BDH2: variants seen among roughly 807,000 people sequenced by gnomAD.
BDH2 encodes the protein dehydrogenase/reductase SDR family member 6.
BDH2 carries 24 observed loss-of-function variants against 33.2 expected under a neutral mutation model. That is an observed-to-expected ratio of 0.72 (90% CI 0.52 to 1.02). BDH2 has a LOEUF of 1.02. BDH2 is among the 50% of genes least tolerant of loss of function. The pLI is 0.00. For missense variants in BDH2, 249 were observed against 301.6 expected (o/e 0.83, Z 1.29); for synonymous variants, 81 against 101.6 (o/e 0.80, Z 1.22).
chr4:103,080,643 G>A (rs1747465164), intron 9 of BDH2, among the ~76,000 whole-genome samples: 1 of 152,174 alleles, frequency 6.6e-6, no homozygotes, highest in Admixed American at 6.5e-5. Flanking sequence ...ACTCCCCCAA[G>A]TTCTTTTAAA....
chr4:103,095,365 C>T, intron 2 of BDH2, 84 bp from the exon 3 acceptor site: 2 of 1,014,640 alleles, frequency 2.0e-6, no homozygotes, highest in Non-Finnish European at 1.5e-6. Flanking sequence ...GTCTTTTTCT[C>T]CTTTATCTTA....
At chr4:103,084,410 A>C (rs2110697879) in intron 7 of BDH2, among the ~76,000 whole-genome samples, 1 of 152,312 alleles carries the variant, frequency 6.6e-6, no homozygotes, top group South Asian at 2.1e-4. Flanking sequence ...TCTCAGACAT[A>C]CTCAGTCCTC....
chr4:103,085,392 T>A lies in BDH2; in HGVS notation c.489A>T (p.Ala163=). 6.2e-7 allele frequency: 1 copy of A among 1,612,302 alleles called. No homozygotes were observed. The highest frequency in any genetic ancestry group is 1.1e-5 in the South Asian group (1 of 90,808). The change falls in exon 7 of 10, where the codon GCA becomes GCT. Residue 163 remains alanine (A), a synonymous_variant. Transcript: ENST00000296424. The part of the protein sequence containing the change: ...AVIGLTKSVA[A]DFIQQGIRCN... ...ACCTGATGCCCTGCTGGATGAAATCTGCAGCCACAGATTTTGTGAGGCCAA... is the reference window on the plus strand; with the variant it reads ...ACCTGATGCCCTGCTGGATGAAATCAGCAGCCACAGATTTTGTGAGGCCAA...
At chr4:103,082,850 C>G (rs775208549) in intron 8 of BDH2, 21 bp downstream of exon 8, 1 of 1,585,886 alleles carries the variant, frequency 6.3e-7, no homozygotes, top group Non-Finnish European at 8.7e-7. Flanking sequence ...GGTTTAAATA[C>G]ATTTTAAATG....
At chr4:103,090,097 G>A (rs887636190) in intron 5 of BDH2, among the ~76,000 whole-genome samples, 4 of 152,128 alleles carry the variant, frequency 2.6e-5, no homozygotes, top group African/African-American at 9.7e-5. Context: ...AATCCAGCTG[G>A]GATGGAAGGG....
intron 5 of BDH2, among the ~76,000 whole-genome samples, chr4:103,090,661 C>T (rs976211015): frequency 1.3e-5 from 2 of 152,206 alleles, no homozygotes; most frequent in Non-Finnish European, 2.9e-5. Context: ...CTCATACGAT[C>T]ATTCCAGTCT....
At chr4:103,093,552 A>G (rs1748211124) in intron 3 of BDH2, among the ~76,000 whole-genome samples, 1 of 148,762 alleles carries the variant, frequency 6.7e-6, no homozygotes, top group Admixed American at 6.8e-5. Context: ...TATAATGTGC[A>G]TAATATATAT....
At chr4:103,083,703 A>G (rs1485753131) in intron 7 of BDH2, among the ~76,000 whole-genome samples, 1 of 152,178 alleles carries the variant, frequency 6.6e-6, no homozygotes, top group Admixed American at 6.5e-5. Flanking sequence ...TCTGGCAAAT[A>G]ATGTGATCTT....
chr4:103,086,160 T>C, intron 6 of BDH2: 3 of 1,130,778 alleles, frequency 2.7e-6, no homozygotes, highest in Non-Finnish European at 2.2e-6. Context: ...CCAGAGCACA[T>C]ACCGGTGCTC....
At chr4:103,085,739 A>G in intron 6 of BDH2, 1 of 1,383,536 alleles carries the variant, frequency 7.2e-7, no homozygotes, top group Non-Finnish European at 9.5e-7. Context: ...CAGTTGCCAT[A>G]ACTCTTAGGC....
intron 1 of BDH2, 127 bp downstream of exon 1, chr4:103,099,656 T>C (rs1578514416): frequency 6.6e-6 from 1 of 152,172 alleles, no homozygotes; most frequent in East Asian, 1.9e-4. Flanking sequence ...AAACCCATCT[T>C]TACACTGATC....
chr4:103,096,697 C>T (rs1030420269), intron 1 of BDH2, among the ~76,000 whole-genome samples: 12 of 152,048 alleles, frequency 7.9e-5, no homozygotes, highest in Admixed American at 2.0e-4. Context: ...CCTGCCACCA[C>T]GCCCAGCCAA....
Position 103,092,650 on chromosome 4 carries a change from A to T in BDH2, c.198T>A (p.Asp66Glu), listed in dbSNP as rs766109810. Residue 66 changes from aspartate (D) to glutamate (E), a missense_variant, in exon 4 of 10, where the codon GAT becomes GAA. Physicochemically the swap from Asp to Glu is conservative, Grantham distance 45. Coordinates refer to ENST00000296424, the MANE Select transcript of BDH2 (RefSeq NM_020139.4). ...GTCTCTCAACTTCATTGGCAAACTG[A>T]TCAATTTGTTTCTTCTTTGTGACAT... ...VLDVTKKKQI[D>E]QFANEVERLD... is the part of the protein sequence containing the mutation. 1.9e-6 allele frequency: 3 copies of T among 1,613,272 alleles called. No homozygotes were observed. The highest frequency in any genetic ancestry group is 2.5e-6 in the Non-Finnish European group (3 of 1,179,418).
intron 5 of BDH2, among the ~76,000 whole-genome samples, chr4:103,087,259 C>T (rs1747838198): frequency 1.3e-5 from 2 of 152,142 alleles, no homozygotes; most frequent in South Asian, 4.1e-4. Context: ...AATGAGGCTG[C>T]AGAGGTCAAC....
At chr4:103,095,399 A>G (rs1748353659) in intron 2 of BDH2, 118 bp from the exon 3 acceptor site, 1 of 711,606 alleles carries the variant, frequency 1.4e-6, no homozygotes, top group Admixed American at 2.7e-5. Context: ...TTTCCCTATA[A>G]GATAGCTAGA....
Position 103,079,737 on chromosome 4 carries a change from TACC to T in BDH2, c.700_702del (p.Gly234del). 6.2e-7 allele frequency: 1 copy of T among 1,613,932 alleles called. No homozygotes were observed. Among genetic ancestry groups the T allele is most frequent in the Non-Finnish European group, 8.5e-7 (1 of 1,179,812 alleles). ...CAGCCTCCATCAATGATGACAGGGTTACCAGTTACATAAGCAGACTGCAGTGAT... is the reference window on the plus strand; with the variant it reads ...CAGCCTCCATCAATGATGACAGGGTTAGTTACATAAGCAGACTGCAGTGAT... On this transcript the variant is annotated inframe_deletion, in exon 10 of 10. Coordinates refer to ENST00000296424, the MANE Select transcript of BDH2 (RefSeq NM_020139.4).
At chr4:103,093,708 TATA>T (rs201964002) in intron 3 of BDH2, among the ~76,000 whole-genome samples, 6,793 of 147,336 alleles carry the variant, frequency 0.046, 217 homozygotes, top group Non-Finnish European at 0.063. Flanking sequence ...ATGTATAATA[TATA>T]ATAATATATG....
At chr4:103,093,534 A>G (rs1748209855) in intron 3 of BDH2, among the ~76,000 whole-genome samples, 1 of 149,802 alleles carries the variant, frequency 6.7e-6, no homozygotes, top group African/African-American at 2.4e-5. Context: ...ATATATACAC[A>G]TATTATTTAT....
At chr4:103,093,827 T>C (rs1248558023) in intron 3 of BDH2, among the ~76,000 whole-genome samples, 1 of 150,100 alleles carries the variant, frequency 6.7e-6, no homozygotes, top group Non-Finnish European at 1.5e-5. Flanking sequence ...AATATAGAAA[T>C]AAAAGATTCA....
Sources: gnomAD v4.1 joint callset for allele counts (sites outside exome capture counted in the v4.1 genomes callset) on GRCh38, gnomAD v4.1.1 for gene constraint, MANE v1.5 for transcripts, NCBI Gene and HGNC (gene_info 2026-07-23, HGNC 2026-07-21) for gene names.